SLC7A14: variants seen among roughly 807,000 people sequenced by gnomAD.
The protein encoded by SLC7A14 is solute carrier family 7 member 14.
In SLC7A14, 37 loss-of-function variants were observed where a neutral mutation model predicts 60.2. The observed-to-expected ratio is 0.61, with a 90% CI of 0.47 to 0.81. The LOEUF is 0.81. SLC7A14 is among the 30% of genes least tolerant of loss of function. The probability of loss-of-function intolerance (pLI) is 0.00; values close to 1 mark genes in which losing one functional copy is unlikely to be tolerated. For synonymous variants in SLC7A14, 399 were observed against 395.8 expected, an observed-to-expected ratio of 1.01 and a Z score of -0.10; for missense variants, 886 against 982.7, an observed-to-expected ratio of 0.90 and a Z score of 1.32.
At chr3:170,567,510 T>C (rs992884070) in intron 1 of SLC7A14, among the ~76,000 whole-genome samples, 1 of 151,962 alleles carries the variant, frequency 6.6e-6, no homozygotes, top group Non-Finnish European at 1.5e-5. Context: ...TTATAGGCCT[T>C]TGGGTATATA....
rs1739651159 is a variant in SLC7A14, at chr3:170,463,637, T to G, written c.*3418A>C. On this transcript the variant is annotated 3_prime_UTR_variant, in exon 8 of 8. Coordinates refer to ENST00000231706, the MANE Select transcript of SLC7A14 (RefSeq NM_020949.3). ...GGCTCAAGTGATCCTCCTCCCTCAGTCTCTCAACTATCTGGGATCATAGGC... is the reference window on the plus strand; with the variant it reads ...GGCTCAAGTGATCCTCCTCCCTCAGGCTCTCAACTATCTGGGATCATAGGC... 2 of 152,272 alleles carry G rather than the reference T, an allele frequency of 1.3e-5. No individual in the cohort carries two copies. Among genetic ancestry groups the G allele is most frequent in the Non-Finnish European group, 2.9e-5 (2 of 68,152 alleles). 9.4% of individuals were successfully genotyped at this position (152,272 alleles called of 1,614,324 possible).
chr3:170,569,555 T>C (rs1185058515), intron 1 of SLC7A14, among the ~76,000 whole-genome samples: 6 of 152,276 alleles, frequency 3.9e-5, no homozygotes, highest in Admixed American at 1.3e-4. Flanking sequence ...TCCCTCTTTT[T>C]CTATTGATTG....
At position 170,480,724 on chromosome 3, in the gene SLC7A14, T is replaced by A. The variant is rs372599371; in HGVS notation, c.1558A>T (p.Ile520Leu). ...NYGTVDMTTGIEADESENIYL... is the reference protein window; with the variant it reads ...NYGTVDMTTGLEADESENIYL... ...ATATTTTCGGATTCATCAGCTTCTA[T>A]GCCTGTGGTCATGTCCACGGTGCCG... The change falls in exon 7 of 8, where the codon ATA becomes TTA. Residue 520 changes from isoleucine (I) to leucine (L), a missense_variant. Ile to Leu is a conservative substitution (Grantham distance 5). Coordinates refer to ENST00000231706, the MANE Select transcript of SLC7A14 (RefSeq NM_020949.3). 2 of 1,614,260 alleles carry A rather than the reference T, an allele frequency of 1.2e-6. No homozygotes were observed. Among genetic ancestry groups the A allele is most frequent in the Non-Finnish European group, 8.5e-7 (1 of 1,180,056 alleles).
intron 1 of SLC7A14, among the ~76,000 whole-genome samples, chr3:170,549,362 G>A (rs748944999): frequency 5.3e-5 from 8 of 151,836 alleles, no homozygotes; most frequent in East Asian, 1.9e-4. Context: ...CTACAGGCGC[G>A]CACCACCACA....
chr3:170,517,739 T>G (rs1713212452), intron 2 of SLC7A14, among the ~76,000 whole-genome samples: 1 of 152,232 alleles, frequency 6.6e-6, no homozygotes, highest in Non-Finnish European at 1.5e-5. Context: ...CTCTGCTCTC[T>G]GTTCTCTTAC....
Position 170,480,488 on chromosome 3 carries a change from G to A in SLC7A14, c.1794C>T (p.Ile598=). ...GCAGCACCATCAGAACAACCAGAAG[G>A]ATGGCCCACCAGCTCTGCTCTGAGA... The part of the protein sequence containing the change: ...DYISEQSWWA[I]LLVVLMVLLI... The change falls in exon 7 of 8, where the codon ATC becomes ATT. Residue 598 remains isoleucine (I), a synonymous_variant. Coordinates refer to ENST00000231706, the MANE Select transcript of SLC7A14 (RefSeq NM_020949.3). 1.9e-6 allele frequency: 3 copies of A among 1,614,176 alleles called. No individual in the cohort carries two copies. The highest frequency in any genetic ancestry group is 2.5e-6 in the Non-Finnish European group (3 of 1,180,036).
intron 4 of SLC7A14, chr3:170,495,477 TC>T: frequency 2.2e-6 from 2 of 897,760 alleles, no homozygotes; most frequent in Non-Finnish European, 1.7e-6. Context: ...CTACAAGGTG[TC>T]CACCTCTGGC....
chr3:170,542,587 C>T (rs1359686392), intron 1 of SLC7A14, among the ~76,000 whole-genome samples: 1 of 152,242 alleles, frequency 6.6e-6, no homozygotes, highest in Non-Finnish European at 1.5e-5. Flanking sequence ...CTTCATCTCT[C>T]TCACTTGGCC....
intron 2 of SLC7A14, among the ~76,000 whole-genome samples, chr3:170,503,669 C>A (rs556451153): frequency 3.3e-5 from 5 of 152,278 alleles, no homozygotes; most frequent in African/African-American, 1.2e-4. Context: ...GCTTTTGAAG[C>A]AGGCATCGAT....
Position 170,480,180 on chromosome 3 carries a change from A to G in SLC7A14, c.1993+109T>C. On this transcript the variant is annotated intron_variant, in intron 7 of 7. Transcript: ENST00000231706. ...AACACAAGGGTCCATAGAACCAGCC[A>G]GATTTCTCTGGGAACGGAGTTGCCT... The G allele has an allele frequency of 5.0e-6, 6 of 1,202,468 alleles. No homozygotes were observed. In the Middle Eastern group the frequency reaches 6.5e-4, roughly 130 times the overall value. The allele number at this position is 1,202,468 out of a possible 1,614,324, so 74.5% of individuals were successfully genotyped here. A position where few individuals can be genotyped will look rare whatever the true frequency, so the allele number is the denominator to read the frequency against.
At chr3:170,565,867 A>G (rs1714774535) in intron 1 of SLC7A14, among the ~76,000 whole-genome samples, 1 of 152,312 alleles carries the variant, frequency 6.6e-6, no homozygotes, top group South Asian at 2.1e-4. Flanking sequence ...AGTAATGGAA[A>G]AAAACAAGAA....
intron 4 of SLC7A14, among the ~76,000 whole-genome samples, chr3:170,498,141 A>G (rs938041017): frequency 3.2e-4 from 49 of 152,142 alleles, no homozygotes; most frequent in African/African-American, 1.2e-3. Flanking sequence ...TGCCTTGTGT[A>G]TTTATGTTCT....
intron 4 of SLC7A14, among the ~76,000 whole-genome samples, chr3:170,497,107 A>AAAAAG (rs1712429956): frequency 1.4e-5 from 2 of 142,712 alleles, no homozygotes; most frequent in African/African-American, 5.6e-5. Flanking sequence ...AAAAAAAAAA[A>AAAAAG]AAAGAAAGAA....
chr3:170,523,363 A>G (rs1713394216), intron 2 of SLC7A14, among the ~76,000 whole-genome samples: 1 of 152,166 alleles, frequency 6.6e-6, no homozygotes, highest in South Asian at 2.1e-4. Context: ...TTTCTGTCTA[A>G]CTTTCCCAGT....
chr3:170,501,469 A>ATTTGGCTC (rs1712607417), intron 2 of SLC7A14, 124 bp from the exon 3 acceptor site: 4 of 774,474 alleles, frequency 5.2e-6, no homozygotes, highest in Non-Finnish European at 8.5e-6. Context: ...ACAAAGTTTT[A>ATTTGGCTC]TGTATATGAA....
chr3:170,496,001 G>T, intron 4 of SLC7A14: 1 of 1,153,832 alleles, frequency 8.7e-7, no homozygotes, highest in South Asian at 1.2e-5. Flanking sequence ...CAGAAACGGA[G>T]AATGAATTTG....
chr3:170,557,233 T>C (rs1331500411), intron 1 of SLC7A14, among the ~76,000 whole-genome samples: 1 of 152,148 alleles, frequency 6.6e-6, no homozygotes, highest in Non-Finnish European at 1.5e-5. Context: ...TCTAACAGGA[T>C]GCATTATGGG....
intron 1 of SLC7A14, among the ~76,000 whole-genome samples, chr3:170,530,326 A>T (rs888295502): frequency 6.6e-6 from 1 of 152,146 alleles, no homozygotes; most frequent in African/African-American, 2.4e-5. Context: ...GCTGGGATCT[A>T]AGTGAGACTG....
intron 2 of SLC7A14, among the ~76,000 whole-genome samples, chr3:170,524,655 A>G (rs2108292598): frequency 6.6e-6 from 1 of 152,366 alleles, no homozygotes; most frequent in South Asian, 2.1e-4. Flanking sequence ...GTTTAGATCT[A>G]GAAACTCATG....
Sources: allele counts gnomAD v4.1 joint callset (sites outside exome capture counted in the v4.1 genomes callset), GRCh38; gene constraint gnomAD v4.1.1; transcripts MANE v1.5; gene names NCBI Gene and HGNC (gene_info 2026-07-23, HGNC 2026-07-21).